Variants in RHBDD1 observed in about 807,000 individuals in gnomAD.
RHBDD1 encodes rhomboid domain containing 1.
In RHBDD1, 38 loss-of-function variants were observed where a neutral mutation model predicts 36.3. The observed-to-expected ratio is 1.05, with a 90% confidence interval of 0.81 to 1.37. The LOEUF (loss-of-function observed/expected upper bound fraction) is 1.37. RHBDD1 is among the 40% of genes most tolerant of loss of function. The probability of loss-of-function intolerance (pLI) is 0.00; values close to 1 mark genes in which losing one functional copy is unlikely to be tolerated. For synonymous variants in RHBDD1, 151 were observed against 136.5 expected, an observed-to-expected ratio of 1.11 and a Z score of -0.74; for missense variants, 393 against 377.6, an observed-to-expected ratio of 1.04 and a Z score of -0.34.
At chr2:226,894,648 T>G (rs961699147) in intron 5 of RHBDD1, among the ~76,000 whole-genome samples, 2 of 152,236 alleles carry the variant, frequency 1.3e-5, no homozygotes, top group African/African-American at 4.8e-5. Context: ...TGTGATTGTG[T>G]GTTTGTATAT....
intron 7 of RHBDD1, among the ~76,000 whole-genome samples, chr2:226,911,469 G>A (rs1948510070): frequency 6.7e-6 from 1 of 150,184 alleles, no homozygotes; most frequent in African/African-American, 2.5e-5. Flanking sequence ...CAGAATGGTT[G>A]CCACTTTCTT....
intron 8 of RHBDD1, among the ~76,000 whole-genome samples, chr2:226,977,691 T>C (rs1954849709): frequency 6.6e-6 from 1 of 152,204 alleles, no homozygotes; most frequent in African/African-American, 2.4e-5. Flanking sequence ...CCAAATTATA[T>C]AAAGAGCAGC....
intron 8 of RHBDD1, among the ~76,000 whole-genome samples, chr2:226,919,301 T>G (rs1469282207): frequency 6.6e-6 from 1 of 152,132 alleles, no homozygotes; most frequent in Admixed American, 6.5e-5. Flanking sequence ...ATTGTTTCCT[T>G]TCCTGTAAAG....
chr2:226,906,848 G>A lies in RHBDD1; in HGVS notation c.622G>A (p.Gly208Arg), dbSNP rs746565057. The part of the protein sequence containing the change: ...GILVGLMYTQ[G>R]PLKKIMEACA... ...TCTTGTTGGACTAATGTACACTCAA[G>A]GGCCTCTGAAGAAAATCATGGAAGC... The change falls in exon 6 of 9, where the codon GGG becomes AGG. Residue 208 changes from glycine (G) to arginine (R), a missense_variant. By Grantham distance (125) the Gly-to-Arg change is moderately radical. Transcript: ENST00000392062. The A allele has an allele frequency of 1.2e-5, 20 of 1,614,004 alleles. No individual in the cohort carries two copies. Among genetic ancestry groups the A allele is most frequent in the Non-Finnish European group, 1.5e-5 (18 of 1,180,008 alleles).
chr2:226,885,770 A>G (rs767563138), intron 5 of RHBDD1, among the ~76,000 whole-genome samples: 4 of 152,234 alleles, frequency 2.6e-5, no homozygotes, highest in Non-Finnish European at 5.9e-5. Context: ...AAACATAAAT[A>G]TATACAGTAG....
chr2:226,831,250 C>T (rs1940734030), upstream of RHBDD1, among the ~76,000 whole-genome samples: 1 of 152,136 alleles, frequency 6.6e-6, no homozygotes, highest in East Asian at 1.9e-4. Context: ...CTGGGCTTCT[C>T]TTTGTGGGAA....
At chr2:226,989,668 A>G (rs1957745601) in intron 8 of RHBDD1, among the ~76,000 whole-genome samples, 1 of 152,204 alleles carries the variant, frequency 6.6e-6, no homozygotes, top group Non-Finnish European at 1.5e-5. Context: ...ATATTGCAGG[A>G]AACACTGACC....
Position 226,906,890 on chromosome 2 carries a change from TAA to T in RHBDD1, c.655+12_655+13del, listed in dbSNP as rs763106526. 1 of 1,613,560 alleles carries T rather than the reference TAA, an allele frequency of 6.2e-7. No homozygotes were observed. Among genetic ancestry groups the T allele is most frequent in the Non-Finnish European group, 8.5e-7 (1 of 1,179,454 alleles). On this transcript the variant is annotated intron_variant, in intron 6 of 8. Transcript: ENST00000392062. ...CATGGAAGCATGTGCAGGTACAGAATAAAACACCTTTGGCATGACAACAGCTT... is the reference window on the plus strand; with the variant it reads ...CATGGAAGCATGTGCAGGTACAGAATAACACCTTTGGCATGACAACAGCTT...
intron 3 of RHBDD1, among the ~76,000 whole-genome samples, chr2:226,863,964 C>A (rs555875908): frequency 1.3e-5 from 2 of 152,090 alleles, no homozygotes; most frequent in African/African-American, 2.4e-5. Flanking sequence ...ATTATGTGGC[C>A]ACTGTTGGTT....
At chr2:226,936,382 TA>T (rs1553574084) in intron 8 of RHBDD1, among the ~76,000 whole-genome samples, 1 of 152,092 alleles carries the variant, frequency 6.6e-6, no homozygotes, top group Non-Finnish European at 1.5e-5. Context: ...TTCAATAATT[TA>T]AAATATTAAC....
At chr2:226,858,740 A>G (rs566073160) in intron 3 of RHBDD1, among the ~76,000 whole-genome samples, 1 of 152,222 alleles carries the variant, frequency 6.6e-6, no homozygotes, top group Non-Finnish European at 1.5e-5. Flanking sequence ...CTAGCTGCTT[A>G]GTCTTTCTTA....
intron 6 of RHBDD1, chr2:226,908,194 G>A (rs1244946800): frequency 3.9e-5 from 6 of 152,122 alleles, no homozygotes; most frequent in South Asian, 2.1e-4. Flanking sequence ...AATAGCCTGC[G>A]AACTCGGCCT....
At chr2:226,897,178 A>T (rs1225949088) in intron 5 of RHBDD1, among the ~76,000 whole-genome samples, 1 of 152,112 alleles carries the variant, frequency 6.6e-6, no homozygotes, top group Non-Finnish European at 1.5e-5. Context: ...TGAATCTTCC[A>T]TTCCCACTTC....
At chr2:226,896,878 C>T (rs575069331) in intron 5 of RHBDD1, among the ~76,000 whole-genome samples, 5 of 152,208 alleles carry the variant, frequency 3.3e-5, no homozygotes, top group Non-Finnish European at 7.4e-5. Flanking sequence ...TCTCGGCTCA[C>T]TACAACCTCT....
At chr2:226,980,298 T>C (rs913192628) in intron 8 of RHBDD1, among the ~76,000 whole-genome samples, 2 of 152,140 alleles carry the variant, frequency 1.3e-5, no homozygotes, top group Admixed American at 6.6e-5. Flanking sequence ...TCAGAACCCA[T>C]GCCCTACTCT....
chr2:226,841,536 T>C (rs2124972363), intron 3 of RHBDD1, among the ~76,000 whole-genome samples: 1 of 152,328 alleles, frequency 6.6e-6, no homozygotes, highest in Non-Finnish European at 1.5e-5. Context: ...CTCCCAGTTA[T>C]AAGTGAGAAC....
intron 8 of RHBDD1, among the ~76,000 whole-genome samples, chr2:226,982,427 A>G (rs778045723): frequency 6.6e-6 from 1 of 152,244 alleles, no homozygotes; most frequent in Non-Finnish European, 1.5e-5. Flanking sequence ...CTGTAGTTAT[A>G]TACTAATCAG....
rs1232116078 is a variant in RHBDD1 at position 226,864,686 on chromosome 2, A to G, written c.-8A>G. The G allele has an allele frequency of 1.2e-6, 2 of 1,610,110 alleles. No individual in the cohort carries two copies. The highest frequency in any genetic ancestry group is 3.3e-5 in the Admixed American group (2 of 59,898). On this transcript the variant is annotated 5_prime_UTR_variant, in exon 4 of 9. In the 5' UTR this introduces an upstream ATG that the reference lacks. Transcript: ENST00000392062. Reference sequence around the variant, plus strand: ...CCCATTGCTGAGCTGTTTCCCTGATATCTGGCCATGCAACGGAGATCAAGA... The same window carrying G: ...CCCATTGCTGAGCTGTTTCCCTGATGTCTGGCCATGCAACGGAGATCAAGA...
At chr2:226,895,835 A>G (rs2125542144) in intron 5 of RHBDD1, 1 of 984,358 alleles carries the variant, frequency 1.0e-6, no homozygotes, top group Non-Finnish European at 1.2e-6. Flanking sequence ...CTTATCCACC[A>G]CATTGATGAG....
Sources: allele counts gnomAD v4.1 joint callset (sites outside exome capture counted in the v4.1 genomes callset), GRCh38; gene constraint gnomAD v4.1.1; transcripts MANE v1.5; gene names NCBI Gene and HGNC (gene_info 2026-07-23, HGNC 2026-07-21).